The following RNLS variants were observed in gnomAD, a reference collection of about 807,000 sequenced individuals.
RNLS encodes the protein renalase.
A neutral mutation model predicts 39.8 loss-of-function variants in RNLS; 39 were observed. That is an observed-to-expected ratio of 0.98 (90% CI 0.76 to 1.28). The LOEUF is 1.28. RNLS is among the 50% of genes most tolerant of loss of function. The pLI, the probability that RNLS is intolerant of heterozygous loss-of-function variation, is 0.00. For missense variants in RNLS, 410 were observed against 413.3 expected, an observed-to-expected ratio of 0.99 and a Z score of 0.07; for synonymous variants, 147 against 150.7, an observed-to-expected ratio of 0.98 and a Z score of 0.18.
exon 7 of RNLS, chr10:88,274,449 TA>T (rs1275061662): frequency 1.3e-5 from 2 of 153,146 alleles, no homozygotes; most frequent in Non-Finnish European, 2.9e-5. Context: ...TATGTAATAT[TA>T]TTTTTTGTGA....
At chr10:88,475,974 T>G (rs777204677) in intron 4 of RNLS, among the ~76,000 whole-genome samples, 1 of 152,158 alleles carries the variant, frequency 6.6e-6, no homozygotes, top group Non-Finnish European at 1.5e-5. Context: ...AAGGATCCTC[T>G]ACAGGACATT....
intron 6 of RNLS, among the ~76,000 whole-genome samples, chr10:88,305,591 C>T (rs564907070): frequency 1.4e-4 from 22 of 152,258 alleles, no homozygotes; most frequent in Admixed American, 1.2e-3. Flanking sequence ...AAGGGCATTA[C>T]ATAATGGTAA....
chr10:88,493,287 A>G (rs1055282244), intron 4 of RNLS, among the ~76,000 whole-genome samples: 1 of 152,062 alleles, frequency 6.6e-6, no homozygotes, highest in African/African-American at 2.4e-5. Context: ...ATAATCTAGC[A>G]AAGTAGATAA....
chr10:88,189,593 C>G, the RNLS span, among the ~76,000 whole-genome samples: 1 of 152,156 alleles, frequency 6.6e-6, no homozygotes, highest in East Asian at 1.9e-4. Flanking sequence ...TTTCTTATGC[C>G]AGGGACTACT....
At chr10:88,305,526 G>C (rs1040801666) in intron 6 of RNLS, among the ~76,000 whole-genome samples, 1 of 152,100 alleles carries the variant, frequency 6.6e-6, no homozygotes, top group Non-Finnish European at 1.5e-5. Context: ...GAAAGCAGGG[G>C]TTGCAATCCT....
At chr10:88,356,072 G>A (rs1849158036) in intron 5 of RNLS, among the ~76,000 whole-genome samples, 1 of 152,224 alleles carries the variant, frequency 6.6e-6, no homozygotes, top group Non-Finnish European at 1.5e-5. Context: ...TTGGAAAAGA[G>A]CAGTATTAGG....
At chr10:88,540,311 G>A (rs891875593) in intron 4 of RNLS, among the ~76,000 whole-genome samples, 2 of 152,104 alleles carry the variant, frequency 1.3e-5, no homozygotes, top group Non-Finnish European at 2.9e-5. Flanking sequence ...TTCACCCTTG[G>A]AGATGTGACT....
At chr10:88,391,540 G>A (rs936677504) in intron 4 of RNLS, among the ~76,000 whole-genome samples, 1 of 152,178 alleles carries the variant, frequency 6.6e-6, no homozygotes, top group African/African-American at 2.4e-5. Context: ...CCTGGCGACA[G>A]AGCGAGACTC....
intron 4 of RNLS, among the ~76,000 whole-genome samples, chr10:88,519,334 T>C (rs1409618201): frequency 1.3e-5 from 2 of 151,958 alleles, no homozygotes; most frequent in Non-Finnish European, 2.9e-5. Context: ...GCCTCCCACA[T>C]GTAATCTCAT....
intron 4 of RNLS, among the ~76,000 whole-genome samples, chr10:88,485,762 A>T (rs2576176): frequency 0.29 from 43,291 of 151,590 alleles, 7,496 homozygotes; most frequent in East Asian, 0.46. Flanking sequence ...TAACTGTGTG[A>T]GAATAACTTG....
At chr10:88,296,162 C>T (rs1470694286) in intron 6 of RNLS, among the ~76,000 whole-genome samples, 1 of 152,128 alleles carries the variant, frequency 6.6e-6, no homozygotes, top group African/African-American at 2.4e-5. Context: ...ACTGATTTAA[C>T]AGATTTGGAA....
chr10:88,228,094 C>T, the RNLS span, among the ~76,000 whole-genome samples: 1 of 152,168 alleles, frequency 6.6e-6, no homozygotes, highest in African/African-American at 2.4e-5. Flanking sequence ...GCTTTGTCAT[C>T]TTCAGGTTAT....
intron 4 of RNLS, among the ~76,000 whole-genome samples, chr10:88,373,981 A>G (rs1348891454): frequency 6.6e-6 from 1 of 152,124 alleles, no homozygotes; most frequent in Non-Finnish European, 1.5e-5. Flanking sequence ...AGCTTCAGTT[A>G]GCCCCATCTG....
the RNLS span, among the ~76,000 whole-genome samples, chr10:88,199,790 C>T: frequency 6.1e-3 from 935 of 152,248 alleles, 8 homozygotes; most frequent in African/African-American, 0.021. Context: ...CCCAAAAAAG[C>T]GTTCAAGCCA....
Position 88,326,106 on chromosome 10 carries a change from T to C in RNLS, c.701-11465A>G, listed in dbSNP as rs192328377. Among the ~76,000 whole-genome samples the C allele has an allele frequency of 1.1e-3, 165 of 152,324 alleles. 4 individuals carry two copies. The highest frequency in any genetic ancestry group is 0.011 in the Admixed American group (164 of 15,290). On this transcript the variant is annotated intron_variant, in intron 5 of 6. Transcript: ENST00000331772. ...TTACCCAGTCTTGGGTATGTCTTCA[T>C]AGCTGTGTGAAAACAGACTAATACA... is the stretch of plus-strand genomic sequence containing the variant.
the RNLS span, among the ~76,000 whole-genome samples, chr10:88,193,696 ATT>A: frequency 1.8e-4 from 28 of 152,098 alleles, 1 homozygote; most frequent in Admixed American, 1.7e-3. Flanking sequence ...CATATGCTGC[ATT>A]TTGAGTTCAT....
chr10:88,236,520 G>C, the RNLS span, among the ~76,000 whole-genome samples: 1 of 152,170 alleles, frequency 6.6e-6, no homozygotes, highest in African/African-American at 2.4e-5. Context: ...TGAGGAGGGT[G>C]GTACCAAGGT....
chr10:88,314,415 T>C (rs1286520987), intron 6 of RNLS, 51 bp downstream of exon 6: 1 of 1,573,904 alleles, frequency 6.4e-7, no homozygotes, highest in Admixed American at 1.7e-5. Context: ...ATCAGTTCTG[T>C]GAGCCTGTTA....
the RNLS span, among the ~76,000 whole-genome samples, chr10:88,172,839 GTTGTTTTT>G: frequency 9.5e-5 from 3 of 31,510 alleles, no homozygotes; most frequent in African/African-American, 2.8e-4. Context: ...TGCATTTTGA[GTTGTTTTT>G]TTTTTTTTTT....
Sources: gnomAD v4.1 joint callset for allele counts (sites outside exome capture counted in the v4.1 genomes callset) on GRCh38, gnomAD v4.1.1 for gene constraint, MANE v1.5 for transcripts, NCBI Gene and HGNC (gene_info 2026-07-23, HGNC 2026-07-21) for gene names.